TEAD1: variants seen among roughly 807,000 people sequenced by gnomAD.
The protein encoded by TEAD1 is TEA domain transcription factor 1.
In TEAD1, 9 loss-of-function variants were observed where a neutral mutation model predicts 54.9. That is an observed-to-expected ratio of 0.16 (90% CI 0.10 to 0.29). The LOEUF is 0.29. TEAD1 is among the 10% of genes least tolerant of loss of function. TEAD1 has a pLI of 1.00. For missense variants in TEAD1, 387 were observed against 535.9 expected (o/e 0.72, Z 2.74); for synonymous variants, 200 against 187.8 (o/e 1.07, Z -0.53).
intron 5 of TEAD1, among the ~76,000 whole-genome samples, chr11:12,873,083 G>T (rs1050040987): frequency 9.9e-5 from 15 of 152,142 alleles, no homozygotes; most frequent in African/African-American, 3.6e-4. Context: ...AAAGAGTACT[G>T]GTCCAGGATG....
At position 12,683,280 on chromosome 11, in the gene TEAD1, G is replaced by T. The variant is rs113410496; in HGVS notation, c.-55+7719G>T. The stretch of plus-strand genomic sequence containing the variant: ...AAATAAAATCCTGCTGCATCTTATC[G>T]GCAGTCATGTCTTAGGGTTAGTGAA... On this transcript the variant is annotated intron_variant, in intron 2 of 12. Transcript: ENST00000527636. Among the ~76,000 whole-genome samples, 122 of 152,222 alleles carry T rather than the reference G, an allele frequency of 8.0e-4. 1 individual carries two copies. The highest frequency in any genetic ancestry group is 2.7e-3 in the African/African-American group (112 of 41,534).
intron 3 of TEAD1, among the ~76,000 whole-genome samples, chr11:12,833,349 T>C (rs193251292): frequency 6.6e-6 from 1 of 152,356 alleles, no homozygotes; most frequent in Non-Finnish European, 1.5e-5. Flanking sequence ...AGAGATGTGC[T>C]GAAATGCAGG....
chr11:12,775,838 A>T lies in TEAD1; in HGVS notation c.202+11404A>T, dbSNP rs143793082. The stretch of plus-strand genomic sequence containing the variant: ...TACTTTTGGAATCAGAAGAAAAAAG[A>T]TAATTGTGTCAAGTTTATTTTTTCC... On this transcript the variant is annotated intron_variant, in intron 3 of 12. Coordinates refer to ENST00000527636, the MANE Select transcript of TEAD1 (RefSeq NM_021961.6). 3.1e-3 allele frequency among the ~76,000 whole-genome samples: 475 copies of T among 152,340 alleles called. 1 individual carries two copies. The highest frequency in any genetic ancestry group is 5.6e-3 in the Non-Finnish European group (380 of 68,038).
At chr11:12,731,446 T>C (rs1362689091) in intron 2 of TEAD1, among the ~76,000 whole-genome samples, 1 of 152,206 alleles carries the variant, frequency 6.6e-6, no homozygotes, top group Non-Finnish European at 1.5e-5. Context: ...TTTTTTTGTA[T>C]GTATGTTTTT....
At chr11:12,702,062 A>G (rs1264598864) in intron 2 of TEAD1, among the ~76,000 whole-genome samples, 1 of 152,142 alleles carries the variant, frequency 6.6e-6, no homozygotes. Flanking sequence ...CAGACTGTGT[A>G]AATGGAGAGC....
At chr11:12,770,771 G>A (rs558935318) in intron 3 of TEAD1, among the ~76,000 whole-genome samples, 4 of 152,204 alleles carry the variant, frequency 2.6e-5, no homozygotes, top group Non-Finnish European at 5.9e-5. Flanking sequence ...CTGTACTAGA[G>A]ATATACCTGG....
At chr11:12,855,922 T>G (rs1206207501) in intron 3 of TEAD1, among the ~76,000 whole-genome samples, 1 of 148,724 alleles carries the variant, frequency 6.7e-6, no homozygotes, top group African/African-American at 2.5e-5. Flanking sequence ...CACTCCAGCC[T>G]GGGCAACAGA....
chr11:12,799,114 GAGAAATAC>G (rs1443929893), intron 3 of TEAD1, among the ~76,000 whole-genome samples: 15 of 152,332 alleles, frequency 9.8e-5, no homozygotes, highest in Middle Eastern at 3.4e-3. Context: ...GTGGAAACAT[GAGAAATAC>G]ATGTTTATCA....
intron 9 of TEAD1, among the ~76,000 whole-genome samples, chr11:12,893,986 C>T (rs1028046407): frequency 5.3e-5 from 8 of 152,122 alleles, no homozygotes; most frequent in Non-Finnish European, 8.8e-5. Context: ...CAGGGGCCAC[C>T]GCAGGCTGCC....
intron 2 of TEAD1, among the ~76,000 whole-genome samples, chr11:12,759,591 G>A (rs1476348114): frequency 4.6e-5 from 7 of 152,296 alleles, no homozygotes; most frequent in African/African-American, 1.7e-4. Flanking sequence ...AGCTGGGCGC[G>A]GTGGCTCACG....
At chr11:12,829,685 C>T (rs1946732493) in intron 3 of TEAD1, among the ~76,000 whole-genome samples, 1 of 152,168 alleles carries the variant, frequency 6.6e-6, no homozygotes, top group Non-Finnish European at 1.5e-5. Flanking sequence ...GTGTGTGCTT[C>T]TGCTAGCCTT....
At chr11:12,740,937 A>G (rs772942438) in intron 2 of TEAD1, among the ~76,000 whole-genome samples, 1 of 152,120 alleles carries the variant, frequency 6.6e-6, no homozygotes, top group African/African-American at 2.4e-5. Context: ...TGAATGTCTG[A>G]ACTTGTATCT....
intron 3 of TEAD1, among the ~76,000 whole-genome samples, chr11:12,802,370 A>T (rs1474146029): frequency 1.3e-5 from 2 of 152,120 alleles, no homozygotes; most frequent in Non-Finnish European, 2.9e-5. Flanking sequence ...AGAAAAATCC[A>T]GTCACTTTTT....
chr11:12,872,770 A>G (rs1282518016), intron 5 of TEAD1, among the ~76,000 whole-genome samples: 1 of 152,164 alleles, frequency 6.6e-6, no homozygotes, highest in African/African-American at 2.4e-5. Context: ...ATCTATCCAA[A>G]AGGTTATCTA....
chr11:12,889,658 T>C (rs953554944), intron 9 of TEAD1, among the ~76,000 whole-genome samples: 2 of 152,184 alleles, frequency 1.3e-5, no homozygotes, highest in Non-Finnish European at 2.9e-5. Flanking sequence ...CATGATACAG[T>C]AGAGGAACAA....
intron 3 of TEAD1, among the ~76,000 whole-genome samples, chr11:12,777,714 G>A (rs1945459956): frequency 6.6e-6 from 1 of 152,178 alleles, no homozygotes; most frequent in African/African-American, 2.4e-5. Context: ...TGTATTTTCT[G>A]TCTCACAGCA....
chr11:12,720,847 C>A (rs572808023), intron 2 of TEAD1, among the ~76,000 whole-genome samples: 2 of 152,190 alleles, frequency 1.3e-5, no homozygotes, highest in Non-Finnish European at 2.9e-5. Flanking sequence ...CCTCTCCCAG[C>A]ATTCCCAGGC....
chr11:12,787,837 ATAAAATTATTT>A (rs1231756135), intron 3 of TEAD1, among the ~76,000 whole-genome samples: 2 of 152,232 alleles, frequency 1.3e-5, no homozygotes, highest in East Asian at 1.9e-4. Flanking sequence ...TTGTAAGTAA[ATAAAATTATTT>A]TAAATGTCAG....
intron 3 of TEAD1, among the ~76,000 whole-genome samples, chr11:12,781,943 C>T (rs1277488066): frequency 9.5e-6 from 1 of 105,198 alleles, no homozygotes; most frequent in Non-Finnish European, 1.8e-5. Flanking sequence ...GGTGAAACCT[C>T]GTCTGTACAA....
Sources: gnomAD v4.1 joint callset for allele counts (sites outside exome capture counted in the v4.1 genomes callset) on GRCh38, gnomAD v4.1.1 for gene constraint, MANE v1.5 for transcripts, NCBI Gene and HGNC (gene_info 2026-07-23, HGNC 2026-07-21) for gene names.